The following ZNF749 variants were observed in gnomAD, a reference collection of about 807,000 sequenced individuals.
The protein encoded by ZNF749 is zinc finger protein 749.
Under a neutral mutation model 7.3 loss-of-function variants are expected in ZNF749, and 8 were observed. The observed-to-expected ratio is 1.10, with a 90% confidence interval of 0.64 to 1.98. The LOEUF is 1.98. Among genes scored for constraint, ZNF749 ranks in the 30% most tolerant of loss-of-function variants. The probability of loss-of-function intolerance (pLI) is 0.00; values close to 1 mark genes in which losing one functional copy is unlikely to be tolerated. For synonymous variants in ZNF749, 310 were observed against 322.4 expected (o/e 0.96, Z 0.41); for missense variants, 898 against 932.4 (o/e 0.96, Z 0.48).
chr19:57,432,575 A>G (rs1212567179), upstream of ZNF749, among the ~76,000 whole-genome samples: 2 of 141,032 alleles, frequency 1.4e-5, no homozygotes, highest in Non-Finnish European at 3.2e-5. Flanking sequence ...AAAAAAAAAA[A>G]AAAAAAAAAG....
chr19:57,435,657 C>T, intron 1 of ZNF749, 64 bp downstream of exon 1: 1 of 1,573,482 alleles, frequency 6.4e-7, no homozygotes, highest in Non-Finnish European at 8.6e-7. Flanking sequence ...TCCCAAGGAG[C>T]CGCCCTGCAG....
Position 57,445,008 on chromosome 19 carries a change from C to A in ZNF749, c.1860C>A (p.Phe620Leu), listed in dbSNP as rs764288642. ...ATAAATGCAGCAAATGTGGGAAATTCTTTAGATATCGCTGTACACTGAGTA... is the reference window on the plus strand; with the variant it reads ...ATAAATGCAGCAAATGTGGGAAATTATTTAGATATCGCTGTACACTGAGTA... ...KPYKCSKCGK[F>L]FRYRCTLSRH... is the part of the protein sequence containing the mutation. The change falls in exon 3 of 3, where the codon TTC becomes TTA. Residue 620 changes from phenylalanine to leucine, a missense_variant. Phe to Leu is a conservative substitution (Grantham distance 22). Transcript: ENST00000334181. 2.5e-6 allele frequency: 4 copies of A among 1,614,056 alleles called. No homozygotes were observed. Among genetic ancestry groups the A allele is most frequent in the Non-Finnish European group, 3.4e-6 (4 of 1,179,992 alleles).
At position 57,443,584 on chromosome 19, in the gene ZNF749, C is replaced by T; in HGVS notation, c.436C>T (p.His146Tyr). The change falls in exon 3 of 3, where the codon CAC becomes TAC. Residue 146 changes from histidine to tyrosine, a missense_variant. Transcript: ENST00000334181. The part of the protein sequence containing the change: ...WRPSFVNHSA[H>Y]VGERNFTCTQ... ...GCCTTCATTTGTGAACCACAGTGCT[C>T]ACGTGGGAGAGAGGAACTTCACATG... The T allele has an allele frequency of 1.2e-6, 2 of 1,614,248 alleles. No homozygotes were observed. The highest frequency in any genetic ancestry group is 1.7e-6 in the Non-Finnish European group (2 of 1,180,038).
upstream of ZNF749, among the ~76,000 whole-genome samples, chr19:57,432,641 G>C (rs141207822): frequency 3.3e-5 from 5 of 150,108 alleles, no homozygotes; most frequent in Non-Finnish European, 7.4e-5. Flanking sequence ...AAAGACAGTA[G>C]TGTTCAAACT....
chr19:57,435,479 T>C lies in ZNF749; in HGVS notation c.-100T>C. On this transcript the variant is annotated 5_prime_UTR_variant, in exon 1 of 3. Coordinates refer to ENST00000334181, the MANE Select transcript of ZNF749 (RefSeq NM_001023561.4). ...TTCTACACAGAGGCTAGAGTGCGGA[T>C]CGGCTGAGTCGGCTGCAGGCGCCCC... is the stretch of plus-strand genomic sequence containing the variant. 1.3e-6 allele frequency: 2 copies of C among 1,521,434 alleles called. No individual in the cohort carries two copies. The highest frequency in any genetic ancestry group is 1.8e-6 in the Non-Finnish European group (2 of 1,127,040). The allele number at this position is 1,521,434 out of a possible 1,614,324, so 94.2% of individuals were successfully genotyped here.
rs753114536 is a variant in ZNF749 at position 57,443,978 on chromosome 19, G to C, written c.830G>C (p.Gly277Ala). 13 of 1,613,468 alleles carry C rather than the reference G, an allele frequency of 8.1e-6. No individual in the cohort carries two copies. The highest frequency in any genetic ancestry group is 1.1e-5 in the Non-Finnish European group (13 of 1,179,808). The change falls in exon 3 of 3, where the codon GGC becomes GCC. Residue 277 changes from glycine (G) to alanine (A), a missense_variant. Physicochemically the swap from Gly to Ala is moderately conservative, Grantham distance 60. Transcript: ENST00000334181. The part of the protein sequence containing the change: ...LVQHQKIHSE[G>A]FLSKRSDPIE... ...CAGCACCAGAAAATTCACAGTGAAG[G>C]CTTTCTTTCAAAAAGGTCTGACCCC... is the stretch of plus-strand genomic sequence containing the variant.
At position 57,435,333 on chromosome 19, in the gene ZNF749, C is replaced by A. The variant is rs1287600330; in HGVS notation, c.-246C>A. On this transcript the variant is annotated 5_prime_UTR_variant, in exon 1 of 3. Coordinates refer to ENST00000334181, the MANE Select transcript of ZNF749 (RefSeq NM_001023561.4). ...TCAATTGTGTGGGCGGGACTTCTGG[C>A]GGCGCCCTCATGGTTGCGTTAGCAT... 2 of 607,838 alleles carry A rather than the reference C, an allele frequency of 3.3e-6. No homozygotes were observed. The highest frequency in any genetic ancestry group is 2.9e-5 in the Admixed American group (1 of 34,504). 37.7% of individuals were successfully genotyped at this position (607,838 alleles called of 1,614,324 possible).
chr19:57,441,931 A>C lies in ZNF749; in HGVS notation c.62A>C (p.Glu21Ala). The C allele has an allele frequency of 6.2e-7, 1 of 1,614,064 alleles. No individual in the cohort carries two copies. The highest frequency in any genetic ancestry group is 8.5e-7 in the Non-Finnish European group (1 of 1,179,994). The change falls in exon 2 of 3, where the codon GAA becomes GCA. Residue 21 changes from glutamate to alanine, a missense_variant. Glu to Ala is a moderately radical substitution (Grantham distance 107, BLOSUM62 -1). Transcript: ENST00000334181. ...GTGGCCATATATTTCTCCCAAGAGG[A>C]ATGGGGGATCCTTAATGATGCTCAG... is the stretch of plus-strand genomic sequence containing the variant. ...EDVAIYFSQE[E>A]WGILNDAQRH...
chr19:57,441,814 A>G (rs1600104315), intron 1 of ZNF749, 71 bp from the exon 2 acceptor site: 1 of 1,566,748 alleles, frequency 6.4e-7, no homozygotes, highest in Non-Finnish European at 8.7e-7. Context: ...GATTTTAAGT[A>G]GATAAATACA....
Position 57,445,471 on chromosome 19 carries a change from G to A in ZNF749, c.2323G>A (p.Gly775Arg). ...SLIKHQIIHT[G>R]KRP ...CATTAAACATCAGATAATTCATACT[G>A]GAAAAAGGCCTTAGTGGAGTGAATG... is the stretch of plus-strand genomic sequence containing the variant. Residue 775 changes from glycine (G) to arginine (R), a missense_variant, in exon 3 of 3, where the codon GGA (glycine) becomes AGA (arginine). Physicochemically the swap from Gly to Arg is moderately radical, Grantham distance 125. Coordinates refer to ENST00000334181, the MANE Select transcript of ZNF749 (RefSeq NM_001023561.4). The A allele has an allele frequency of 2.5e-6, 4 of 1,606,830 alleles. No individual in the cohort carries two copies. Among genetic ancestry groups the A allele is most frequent in the Non-Finnish European group, 3.4e-6 (4 of 1,176,540 alleles).
chr19:57,437,178 G>A (rs560583604), intron 1 of ZNF749, among the ~76,000 whole-genome samples: 2 of 152,106 alleles, frequency 1.3e-5, no homozygotes, highest in Non-Finnish European at 2.9e-5. Flanking sequence ...TCAGGCATAG[G>A]TTCAGGGATG....
intron 1 of ZNF749, among the ~76,000 whole-genome samples, chr19:57,441,049 C>G (rs2088982962): frequency 7.2e-6 from 1 of 139,298 alleles, no homozygotes. Flanking sequence ...TTGCTTGAAC[C>G]TGGGAGGCAG....
chr19:57,434,115 GA>G (rs2088913360), upstream of ZNF749, among the ~76,000 whole-genome samples: 4 of 151,602 alleles, frequency 2.6e-5, no homozygotes, highest in South Asian at 4.2e-4. Context: ...TTTTGTTTTT[GA>G]GACGGAGTTT....
At chr19:57,431,819 G>GT (rs538599173), upstream of ZNF749, among the ~76,000 whole-genome samples, 177 of 151,962 alleles carry the variant, frequency 1.2e-3, no homozygotes, top group South Asian at 2.5e-3. Flanking sequence ...CTATGCTTGA[G>GT]TTTTTTTTGT....
At position 57,444,198 on chromosome 19, in the gene ZNF749, G is replaced by C; in HGVS notation, c.1050G>C (p.Gly350=). The change falls in exon 3 of 3, where the codon GGG becomes GGC. Residue 350 remains glycine (G), a synonymous_variant. Coordinates refer to ENST00000334181, the MANE Select transcript of ZNF749 (RefSeq NM_001023561.4). The stretch of plus-strand genomic sequence containing the variant: ...TCAGACATCAGAAAGTTCACACTGG[G>C]GAGAGGCGTTACGAGTGCAGTGAAT... ...KLIRHQKVHT[G]ERRYECSECG... The C allele has an allele frequency of 6.2e-7, 1 of 1,614,116 alleles. No homozygotes were observed. The highest frequency in any genetic ancestry group is 2.2e-5 in the East Asian group (1 of 44,856).
chr19:57,443,586 C>A lies in ZNF749; in HGVS notation c.438C>A (p.His146Gln), dbSNP rs773100178. The A allele has an allele frequency of 2.5e-6, 4 of 1,614,224 alleles. No individual in the cohort carries two copies. The highest frequency in any genetic ancestry group is 2.7e-5 in the African/African-American group (2 of 75,064). ...CTTCATTTGTGAACCACAGTGCTCA[C>A]GTGGGAGAGAGGAACTTCACATGCA... ...WRPSFVNHSA[H>Q]VGERNFTCTQ... is the part of the protein sequence containing the mutation. The change falls in exon 3 of 3, where the codon CAC (histidine) becomes CAA (glutamine). Residue 146 changes from histidine to glutamine, a missense_variant. Coordinates refer to ENST00000334181, the MANE Select transcript of ZNF749 (RefSeq NM_001023561.4).
Position 57,435,441 on chromosome 19 carries a change from G to C in ZNF749, c.-138G>C. ...GAGGTGAAAGAGCGGAAAAACGCGAGAAGCGGTGTTCCTTCTACACAGAGG... is the reference window on the plus strand; with the variant it reads ...GAGGTGAAAGAGCGGAAAAACGCGACAAGCGGTGTTCCTTCTACACAGAGG... On this transcript the variant is annotated 5_prime_UTR_variant, in exon 1 of 3. Coordinates refer to ENST00000334181, the MANE Select transcript of ZNF749 (RefSeq NM_001023561.4). 2 of 1,312,240 alleles carry C rather than the reference G, an allele frequency of 1.5e-6. No homozygotes were observed. Among genetic ancestry groups the C allele is most frequent in the Non-Finnish European group, 2.1e-6 (2 of 943,230 alleles). The allele number at this position is 1,312,240 out of a possible 1,614,324, so 81.3% of individuals were successfully genotyped here.
upstream of ZNF749, among the ~76,000 whole-genome samples, chr19:57,434,208 C>T (rs371454962): frequency 1.0e-3 from 158 of 152,346 alleles, no homozygotes; most frequent in African/African-American, 3.6e-3. Context: ...AGCGATTCTC[C>T]TGCCTCAGCC....
intron 1 of ZNF749, among the ~76,000 whole-genome samples, chr19:57,440,924 G>C (rs2088981290): frequency 6.6e-6 from 1 of 151,784 alleles, no homozygotes; most frequent in Non-Finnish European, 1.5e-5. Context: ...TCAGGAGTTC[G>C]AGACCCGCCT....
Sources: allele counts gnomAD v4.1 joint callset (sites outside exome capture counted in the v4.1 genomes callset), GRCh38; gene constraint gnomAD v4.1.1; transcripts MANE v1.5; gene names NCBI Gene and HGNC (gene_info 2026-07-23, HGNC 2026-07-21).